The following NOX4 variants were observed in gnomAD, a reference collection of about 807,000 sequenced individuals.
NOX4 encodes NADPH oxidase 4.
NOX4 carries 69 observed loss-of-function variants against 87.6 expected under a neutral mutation model. That is an observed-to-expected ratio of 0.79 (90% CI 0.65 to 0.96). The LOEUF is 0.96. NOX4 is among the 40% of genes least tolerant of loss of function. The pLI is 0.00. For synonymous variants in NOX4, 275 were observed against 238.2 expected (o/e 1.15, Z -1.42); for missense variants, 680 against 681.5 (o/e 1.00, Z 0.02).
intron 15 of NOX4, among the ~76,000 whole-genome samples, chr11:89,337,815 C>T (rs528182926): frequency 8.6e-5 from 13 of 151,848 alleles, no homozygotes; most frequent in Non-Finnish European, 1.6e-4. Context: ...AATATTAGTC[C>T]TTCTGAAATA....
chr11:89,496,756 CT>C (rs1946957810), upstream of NOX4, among the ~76,000 whole-genome samples: 1 of 152,044 alleles, frequency 6.6e-6, no homozygotes, highest in South Asian at 2.1e-4. Flanking sequence ...TACTGACTGC[CT>C]TCAGCTTCCA....
At chr11:89,492,780 G>A (rs1393121278), upstream of NOX4, among the ~76,000 whole-genome samples, 1 of 152,164 alleles carries the variant, frequency 6.6e-6, no homozygotes, top group Non-Finnish European at 1.5e-5. Context: ...GTCAAATTCT[G>A]GGATGCACTG....
chr11:89,507,279 C>T, the NOX4 span, among the ~76,000 whole-genome samples: 3 of 151,568 alleles, frequency 2.0e-5, no homozygotes, highest in African/African-American at 7.3e-5. Context: ...AAAACTTACC[C>T]AATTGTACCT....
At chr11:89,420,550 C>T (rs550201647) in intron 8 of NOX4, among the ~76,000 whole-genome samples, 1 of 151,842 alleles carries the variant, frequency 6.6e-6, no homozygotes, top group African/African-American at 2.4e-5. Context: ...ACAAAGCTAA[C>T]CAGGACATAT....
At chr11:89,524,966 CTTCT>C in the NOX4 span, among the ~76,000 whole-genome samples, 1 of 151,980 alleles carries the variant, frequency 6.6e-6, no homozygotes, top group Non-Finnish European at 1.5e-5. Context: ...ATGTGTATAG[CTTCT>C]TTCATTCAGC....
chr11:89,391,823 T>C (rs1165194973), intron 11 of NOX4, among the ~76,000 whole-genome samples: 1 of 151,906 alleles, frequency 6.6e-6, no homozygotes, highest in Non-Finnish European at 1.5e-5. Context: ...AATACATTAG[T>C]AGGCACTATG....
intron 15 of NOX4, among the ~76,000 whole-genome samples, 164 bp downstream of exon 15, chr11:89,339,899 T>C (rs573630034): frequency 6.6e-6 from 1 of 152,198 alleles, no homozygotes; most frequent in Non-Finnish European, 1.5e-5. Flanking sequence ...TAACAGATAT[T>C]ATCTCTGATT....
intron 9 of NOX4, among the ~76,000 whole-genome samples, 175 bp from the exon 10 acceptor site, chr11:89,400,554 A>G (rs1012196089): frequency 6.6e-6 from 1 of 152,146 alleles, no homozygotes; most frequent in African/African-American, 2.4e-5. Context: ...TCAAACAAAC[A>G]AAAGTATAAA....
chr11:89,465,834 T>G (rs902263472), intron 2 of NOX4, among the ~76,000 whole-genome samples: 1 of 151,736 alleles, frequency 6.6e-6, no homozygotes, highest in African/African-American at 2.4e-5. Context: ...GTTTTTTTTT[T>G]CTTGTAAATT....
At chr11:89,561,033 CAT>C in the NOX4 span, among the ~76,000 whole-genome samples, 2 of 86,604 alleles carry the variant, frequency 2.3e-5, no homozygotes, top group African/African-American at 5.2e-5. Flanking sequence ...TACACACACA[CAT>C]ACACATATAT....
At chr11:89,572,779 T>G in the NOX4 span, among the ~76,000 whole-genome samples, 1 of 152,144 alleles carries the variant, frequency 6.6e-6, no homozygotes, top group Non-Finnish European at 1.5e-5. Flanking sequence ...TACATATATC[T>G]CTTAAATAGT....
the NOX4 span, among the ~76,000 whole-genome samples, chr11:89,508,018 C>T: frequency 2.0e-5 from 3 of 151,914 alleles, no homozygotes; most frequent in Admixed American, 6.6e-5. Flanking sequence ...TATTTTTATA[C>T]GAAGCGCCCA....
At chr11:89,366,549 G>A (rs1279206998) in intron 12 of NOX4, among the ~76,000 whole-genome samples, 1 of 151,754 alleles carries the variant, frequency 6.6e-6, no homozygotes, top group East Asian at 2.0e-4. Context: ...GGTGGTCTGA[G>A]CCTGTGGTCC....
At chr11:89,365,776 A>AC (rs57924654) in intron 12 of NOX4, among the ~76,000 whole-genome samples, 5 of 149,982 alleles carry the variant, frequency 3.3e-5, no homozygotes, top group South Asian at 2.1e-4. Context: ...AAAAAAAAAA[A>AC]CAGGAGATTT....
At chr11:89,374,217 T>C (rs1939668010) in intron 11 of NOX4, among the ~76,000 whole-genome samples, 2 of 152,308 alleles carry the variant, frequency 1.3e-5, no homozygotes, top group South Asian at 4.1e-4. Context: ...ATTTGAATAA[T>C]GGTTTTTTCA....
At chr11:89,397,416 A>G (rs1267371989) in intron 11 of NOX4, among the ~76,000 whole-genome samples, 1 of 152,138 alleles carries the variant, frequency 6.6e-6, no homozygotes, top group Non-Finnish European at 1.5e-5. Context: ...GAACTAGAGA[A>G]GCAAGAGCAA....
chr11:89,457,501 CCCCG>C (rs2135405151), intron 2 of NOX4, among the ~76,000 whole-genome samples: 1 of 152,284 alleles, frequency 6.6e-6, no homozygotes, highest in Admixed American at 6.5e-5. Flanking sequence ...CACCTCAGCC[CCCCG>C]AGTGAATCAG....
chr11:89,327,322 T>C (rs1945262322), intron 17 of NOX4, among the ~76,000 whole-genome samples: 1 of 152,182 alleles, frequency 6.6e-6, no homozygotes, highest in Non-Finnish European at 1.5e-5. Context: ...CTAAAATTCC[T>C]ACACGGATTT....
chr11:89,530,971 T>C, the NOX4 span, among the ~76,000 whole-genome samples: 1 of 152,150 alleles, frequency 6.6e-6, no homozygotes, highest in Non-Finnish European at 1.5e-5. Flanking sequence ...TCCCAGAATA[T>C]AATTCCAATC....
Sources: allele counts gnomAD v4.1 joint callset (sites outside exome capture counted in the v4.1 genomes callset), GRCh38; gene constraint gnomAD v4.1.1; transcripts MANE v1.5; gene names NCBI Gene and HGNC (gene_info 2026-07-23, HGNC 2026-07-21).